The following DCAF8L2 variants were observed in gnomAD, a reference collection of about 807,000 sequenced individuals.
DCAF8L2 encodes the protein DDB1- and CUL4-associated factor 8-like protein 2.
For synonymous variants in DCAF8L2, 200 were observed against 190.9 expected, an observed-to-expected ratio of 1.05 and a Z score of -0.39; for missense variants, 430 against 490.7, an observed-to-expected ratio of 0.88 and a Z score of 1.17.
intron 2 of DCAF8L2, among the ~76,000 whole-genome samples, chrX:27,669,742 C>T (rs560876644): frequency 1.6e-3 from 181 of 109,907 alleles, no homozygotes; most frequent in African/African-American, 5.1e-3. Context: ...TCTGTCCTTG[C>T]GATAGTTTGC....
At chrX:27,732,118 A>G (rs1921239944) in intron 4 of DCAF8L2, among the ~76,000 whole-genome samples, 1 of 111,791 alleles carries the variant, frequency 8.9e-6, no homozygotes, top group South Asian at 3.7e-4. Flanking sequence ...GTCTCCTTAC[A>G]TAGTTACCCT....
At chrX:27,543,476 A>G in the DCAF8L2 span, among the ~76,000 whole-genome samples, 3 of 111,267 alleles carry the variant, frequency 2.7e-5, no homozygotes, top group African/African-American at 6.6e-5. Context: ...TTGATTCTAT[A>G]TGAATTTTAG....
the DCAF8L2 span, among the ~76,000 whole-genome samples, chrX:27,585,180 A>G: frequency 9.0e-6 from 1 of 111,015 alleles, no homozygotes; most frequent in African/African-American, 3.3e-5. Flanking sequence ...TTACTATTTC[A>G]TCGTCTATGA....
Position 27,730,723 on chromosome X carries a change from G to GA in DCAF8L2, c.-59+14565dup, listed in dbSNP as rs11324384. 1.6e-3 allele frequency among the ~76,000 whole-genome samples: 156 copies of GA among 98,374 alleles called. 1 individual carries two copies. The highest frequency in any genetic ancestry group is 2.3e-3 in the East Asian group (7 of 3,083). 85.4% of individuals were successfully genotyped at this position (98,374 alleles called of 115,157 possible). On this transcript the variant is annotated intron_variant, in intron 4 of 4. Coordinates refer to ENST00000451261, the MANE Select transcript of DCAF8L2 (RefSeq NM_001353450.2). ...GCGCACAGCCACATATTTTATTTTT[G>GA]AAAAAAAAAAAAACTACTAAAGTTT... is the stretch of plus-strand genomic sequence containing the variant.
the DCAF8L2 span, among the ~76,000 whole-genome samples, chrX:27,488,140 T>C: frequency 8.9e-6 from 1 of 112,005 alleles, no homozygotes; most frequent in East Asian, 2.8e-4. Flanking sequence ...AGTTTCTCTA[T>C]ATCATCAACA....
intron 1 of DCAF8L2, among the ~76,000 whole-genome samples, chrX:27,630,210 G>C (rs1928226564): frequency 9.0e-6 from 1 of 111,226 alleles, no homozygotes. Context: ...TGGAGTCTAG[G>C]TTTTCTGTAT....
chrX:27,687,067 C>T (rs1400269037), intron 3 of DCAF8L2, among the ~76,000 whole-genome samples: 1 of 111,840 alleles, frequency 8.9e-6, no homozygotes, highest in Admixed American at 9.5e-5. Flanking sequence ...CAGACAGGTA[C>T]CAGTACATGA....
intron 3 of DCAF8L2, among the ~76,000 whole-genome samples, chrX:27,701,826 C>T (rs73196143): frequency 0.28 from 30,826 of 108,228 alleles, 3,903 homozygotes; most frequent in Middle Eastern, 0.42. Flanking sequence ...AAACTAAATC[C>T]AGATAAAGCA....
At chrX:27,611,986 T>A (rs947114225) in intron 1 of DCAF8L2, among the ~76,000 whole-genome samples, 1 of 111,550 alleles carries the variant, frequency 9.0e-6, no homozygotes, top group Non-Finnish European at 1.9e-5. Flanking sequence ...TCAAATGGTA[T>A]TTCTAGTTCT....
the DCAF8L2 span, among the ~76,000 whole-genome samples, chrX:27,537,442 GT>G: frequency 8.9e-6 from 1 of 112,382 alleles, no homozygotes; most frequent in African/African-American, 3.2e-5. Flanking sequence ...GGAAATTCTA[GT>G]TAAAGTTTGA....
intron 2 of DCAF8L2, among the ~76,000 whole-genome samples, chrX:27,663,498 A>T (rs1330950562): frequency 9.0e-6 from 1 of 110,768 alleles, no homozygotes; most frequent in Non-Finnish European, 1.9e-5. Flanking sequence ...TATCAGTGAT[A>T]TTAGATGTTA....
At chrX:27,504,800 G>C in the DCAF8L2 span, among the ~76,000 whole-genome samples, 1 of 111,068 alleles carries the variant, frequency 9.0e-6, no homozygotes, top group Admixed American at 9.6e-5. Context: ...CCAGTCCCTA[G>C]GTAGAAAGAC....
At chrX:27,570,872 C>A in the DCAF8L2 span, among the ~76,000 whole-genome samples, 1 of 112,053 alleles carries the variant, frequency 8.9e-6, no homozygotes, top group Non-Finnish European at 1.9e-5. Flanking sequence ...TCCTCCCTCT[C>A]CTTTCAGTCT....
At chrX:27,709,821 AT>A (rs373389760) in intron 3 of DCAF8L2, among the ~76,000 whole-genome samples, 118 of 104,251 alleles carry the variant, frequency 1.1e-3, no homozygotes, top group Middle Eastern at 5.0e-3. Context: ...TGGCATGTTC[AT>A]TTTTTTTTTT....
At chrX:27,661,389 C>G (rs1473154338) in intron 2 of DCAF8L2, among the ~76,000 whole-genome samples, 2 of 111,737 alleles carry the variant, frequency 1.8e-5, no homozygotes. Flanking sequence ...TCTGCTAGAA[C>G]TTCCATTTGA....
the DCAF8L2 span, among the ~76,000 whole-genome samples, chrX:27,546,050 C>G: frequency 1.8e-5 from 2 of 111,849 alleles, no homozygotes; most frequent in Non-Finnish European, 3.8e-5. Flanking sequence ...GAAGGCAAGT[C>G]CCTTCTGCCT....
At chrX:27,587,985 A>AAATATATATATATATATATAT, upstream of DCAF8L2, among the ~76,000 whole-genome samples, 2 of 22,369 alleles carry the variant, frequency 8.9e-5, no homozygotes, top group African/African-American at 2.0e-4. Context: ...TAAAAAAAAA[A>AAATATATATATATATATATAT]ATATATATAT....
intron 4 of DCAF8L2, among the ~76,000 whole-genome samples, chrX:27,727,183 A>T (rs2147309300): frequency 9.0e-6 from 1 of 111,731 alleles, no homozygotes; most frequent in East Asian, 2.8e-4. Flanking sequence ...AACTATTTTT[A>T]TATTTTTATA....
rs1930717308 is a variant in DCAF8L2, at chrX:27,691,670, A to G, written c.-143+13758A>G. Reference sequence around the variant, plus strand: ...AATAATCAGAATTAGCTTATGATATATGTACTATTATTTCTATTTTATAAA... The same window carrying G: ...AATAATCAGAATTAGCTTATGATATGTGTACTATTATTTCTATTTTATAAA... On this transcript the variant is annotated intron_variant, in intron 3 of 4. Coordinates refer to ENST00000451261, the MANE Select transcript of DCAF8L2 (RefSeq NM_001353450.2). 4.5e-5 allele frequency among the ~76,000 whole-genome samples: 5 copies of G among 112,110 alleles called. No individual in the cohort carries two copies. In the South Asian group the frequency reaches 1.8e-3, roughly 41 times the overall value.
Sources: allele counts gnomAD v4.1 joint callset (sites outside exome capture counted in the v4.1 genomes callset), GRCh38; gene constraint gnomAD v4.1.1; transcripts MANE v1.5; gene names NCBI Gene and HGNC (gene_info 2026-07-23, HGNC 2026-07-21).